STK10: variants seen among roughly 807,000 people sequenced by gnomAD.
STK10 encodes serine/threonine kinase 10.
In STK10, 78 loss-of-function variants were observed where a neutral mutation model predicts 113.8. The observed-to-expected ratio is 0.69, with a 90% CI of 0.57 to 0.83. The LOEUF (loss-of-function observed/expected upper bound fraction) is 0.83. Among genes scored for constraint, STK10 ranks in the 40% least tolerant of loss-of-function variants. The pLI, the probability that STK10 is intolerant of heterozygous loss-of-function variation, is 0.00. For synonymous variants in STK10, 465 were observed against 494.7 expected (o/e 0.94, Z 0.80); for missense variants, 1,109 against 1,280.1 (o/e 0.87, Z 2.04).
At chr5:172,148,209 G>C (rs142634831) in intron 2 of STK10, among the ~76,000 whole-genome samples, 1 of 152,258 alleles carries the variant, frequency 6.6e-6, no homozygotes, top group East Asian at 1.9e-4. Context: ...GCACGAAGAG[G>C]CGTGTCTGGG....
chr5:172,157,425 A>G (rs910425791), intron 1 of STK10, among the ~76,000 whole-genome samples: 3 of 152,198 alleles, frequency 2.0e-5, no homozygotes, highest in Middle Eastern at 3.4e-3. Flanking sequence ...GTGTGGTGGC[A>G]TGCGCCTGTA....
chr5:172,100,512 C>T (rs532425221), intron 7 of STK10, among the ~76,000 whole-genome samples: 1 of 152,180 alleles, frequency 6.6e-6, no homozygotes, highest in Admixed American at 6.5e-5. Context: ...AAAGGCCAGG[C>T]ATGGTGGCTC....
Position 172,106,636 on chromosome 5 carries a change from G to A in STK10, c.772C>T (p.Leu258Phe). ...KIAKSDPPTL[L>F]TPSKWSVEFR... ...GCCCCTCACCACTTAGAGGGCGTGAGCAGCGTGGGAGGGTCCGACTTGGCG... is the reference window on the plus strand; with the variant it reads ...GCCCCTCACCACTTAGAGGGCGTGAACAGCGTGGGAGGGTCCGACTTGGCG... The change falls in exon 6 of 19, where the codon CTC (leucine) becomes TTC (phenylalanine). Residue 258 changes from leucine to phenylalanine, a missense_variant. Leu to Phe is a conservative substitution (Grantham distance 22). Coordinates refer to ENST00000176763, the MANE Select transcript of STK10 (RefSeq NM_005990.4). The A allele has an allele frequency of 1.9e-6, 3 of 1,612,572 alleles. No individual in the cohort carries two copies. Among genetic ancestry groups the A allele is most frequent in the Non-Finnish European group, 2.5e-6 (3 of 1,179,908 alleles).
rs376131875 is a variant in STK10 at position 172,090,303 on chromosome 5, C to T, written c.1614G>A (p.Val538=). The part of the protein sequence containing the change: ...KRTRKFVVDG[V]EVSITTSKII... ...TCTTGGAGGTGGTGATGCTCACCTC[C>T]ACACCATCCACCACAAATTTGCGTG... The change falls in exon 10 of 19, where the codon GTG becomes GTA. Residue 538 remains valine, a synonymous_variant. Transcript: ENST00000176763. 8.7e-6 allele frequency: 14 copies of T among 1,614,092 alleles called. No homozygotes were observed. The highest frequency in any genetic ancestry group is 1.1e-5 in the Non-Finnish European group (13 of 1,180,008).
chr5:172,144,478 A>T (rs1193639558), intron 2 of STK10, among the ~76,000 whole-genome samples: 1 of 152,208 alleles, frequency 6.6e-6, no homozygotes, highest in Non-Finnish European at 1.5e-5. Context: ...AAAACGCAAC[A>T]GTCAACACAG....
chr5:172,167,666 G>GTAGC (rs1770596645), intron 1 of STK10, among the ~76,000 whole-genome samples: 1 of 152,214 alleles, frequency 6.6e-6, no homozygotes, highest in Non-Finnish European at 1.5e-5. Context: ...GTCTGATACA[G>GTAGC]TAGCTACTAG....
Position 172,167,944 on chromosome 5 carries a change from G to T in STK10, c.157-11156C>A, listed in dbSNP as rs1159220657. Among the ~76,000 whole-genome samples, 5 of 152,306 alleles carry T rather than the reference G, an allele frequency of 3.3e-5. No homozygotes were observed. The East Asian group carries it at 9.6e-4, about 29-fold the overall frequency. ...TTTCTTTTTCTAGGAAGCAAAAGGGGACATGTGCAAGGAATCAGCAGAGGA... is the reference window on the plus strand; with the variant it reads ...TTTCTTTTTCTAGGAAGCAAAAGGGTACATGTGCAAGGAATCAGCAGAGGA... On this transcript the variant is annotated intron_variant, in intron 1 of 18. Coordinates refer to ENST00000176763, the MANE Select transcript of STK10 (RefSeq NM_005990.4).
intron 18 of STK10, among the ~76,000 whole-genome samples, chr5:172,048,435 A>G (rs1050428517): frequency 4.6e-5 from 7 of 151,500 alleles, no homozygotes; most frequent in African/African-American, 1.7e-4. Context: ...ACACACACAC[A>G]CACACACACA....
At chr5:172,085,146 G>A (rs1768523702) in intron 10 of STK10, among the ~76,000 whole-genome samples, 1 of 152,030 alleles carries the variant, frequency 6.6e-6, no homozygotes, top group Non-Finnish European at 1.5e-5. Context: ...TTAAAAGGCT[G>A]AGGCCGGAAG....
rs994656885 is a variant in STK10 at position 172,044,553 on chromosome 5, G to T, written c.*329C>A. The T allele has an allele frequency of 2.7e-6, 1 of 368,294 alleles. No individual in the cohort carries two copies. Among genetic ancestry groups the T allele is most frequent in the African/African-American group, 2.1e-5 (1 of 48,540 alleles). The allele number at this position is 368,294 out of a possible 1,614,324, so 22.8% of individuals were successfully genotyped here. A position where few individuals can be genotyped will look rare whatever the true frequency, so the allele number is the denominator to read the frequency against. ...ACTGGTATTTTCGCAAACAGGAGAG[G>T]ACTCGAGGCCACAGAACACCCATTC... is the stretch of plus-strand genomic sequence containing the variant. On this transcript the variant is annotated 3_prime_UTR_variant, in exon 19 of 19. Transcript: ENST00000176763. This position sits in a 1 kb window ranked among gnomAD's most constrained non-coding sequence, Gnocchi z 4.5.
intron 4 of STK10, among the ~76,000 whole-genome samples, chr5:172,109,888 G>A (rs1228722096): frequency 6.6e-6 from 1 of 152,240 alleles, no homozygotes; most frequent in African/African-American, 2.4e-5. Context: ...GCAGCATTAT[G>A]ACAACTTCAG....
At chr5:172,104,313 C>T (rs929322336) in intron 7 of STK10, among the ~76,000 whole-genome samples, 4 of 152,334 alleles carry the variant, frequency 2.6e-5, no homozygotes, top group South Asian at 2.1e-4. Flanking sequence ...AATGACCGGG[C>T]AAGTGCTGTG....
In STK10 at chr5:172,081,824, A is replaced by T. The variant is rs148594639; in HGVS notation, c.1989+502T>A. ...GCATGGGCTGTTCTTTGACACTCAG[A>T]TGCCTCTCTCCAGAGCAGCTCGAGA... On this transcript the variant is annotated intron_variant, in intron 12 of 18. Transcript: ENST00000176763. 4.1e-3 allele frequency among the ~76,000 whole-genome samples: 628 copies of T among 152,262 alleles called. 5 individuals are homozygous for T. The highest frequency in any genetic ancestry group is 0.014 in the African/African-American group (602 of 41,560).
chr5:172,122,705 G>T (rs1314867569), intron 3 of STK10, among the ~76,000 whole-genome samples: 3 of 152,074 alleles, frequency 2.0e-5, no homozygotes, highest in African/African-American at 7.2e-5. Context: ...CTCACTGCAA[G>T]CTCCGCCTCC....
chr5:172,182,487 T>A (rs9313581), intron 1 of STK10, among the ~76,000 whole-genome samples: 3 of 150,304 alleles, frequency 2.0e-5, no homozygotes, highest in Non-Finnish European at 3.0e-5. Context: ...AGGCTCAAGC[T>A]ATCCTCCCAC....
intron 2 of STK10, among the ~76,000 whole-genome samples, chr5:172,138,783 T>C (rs1348541858): frequency 3.3e-5 from 5 of 151,836 alleles, no homozygotes; most frequent in East Asian, 1.9e-4. Flanking sequence ...GAGGCTAAGG[T>C]GGGCGGATCA....
intron 2 of STK10, among the ~76,000 whole-genome samples, chr5:172,156,387 G>C (rs1399796456): frequency 6.6e-6 from 1 of 152,228 alleles, no homozygotes; most frequent in Admixed American, 6.5e-5. Context: ...GCAGGGCTGG[G>C]ATTCGAGGCC....
chr5:172,048,727 A>G (rs1767557260), intron 18 of STK10, among the ~76,000 whole-genome samples: 1 of 152,292 alleles, frequency 6.6e-6, no homozygotes, highest in East Asian at 1.9e-4. Flanking sequence ...GAGGGCAGCC[A>G]GCGGGATCCT....
chr5:172,053,084 C>T (rs1296196521), intron 17 of STK10, 42 bp from the exon 18 acceptor site: 6 of 1,563,394 alleles, frequency 3.8e-6, no homozygotes, highest in Admixed American at 1.7e-5. Context: ...AATCAGAAGA[C>T]GCAGGCCCTG....
Sources: gnomAD v4.1 joint callset for allele counts (sites outside exome capture counted in the v4.1 genomes callset) on GRCh38, gnomAD v4.1.1 for gene constraint, Gnocchi (gnomAD v3.1) non-coding constraint, MANE v1.5 for transcripts, NCBI Gene and HGNC (gene_info 2026-07-23, HGNC 2026-07-21) for gene names.